The following ESRRG variants were observed in gnomAD, a reference collection of about 807,000 sequenced individuals.
ESRRG encodes the protein estrogen related receptor gamma.
In ESRRG, 13 loss-of-function variants were observed where a neutral mutation model predicts 44.0. The ratio of observed to expected loss-of-function variants is 0.30; its 90% CI spans 0.19 to 0.47. The LOEUF (loss-of-function observed/expected upper bound fraction) is 0.47, where lower values mean the gene tolerates loss of function less well. Among genes scored for constraint, ESRRG ranks in the 20% least tolerant of loss-of-function variants. The pLI is 1.00. For missense variants in ESRRG, 395 were observed against 580.6 expected (o/e 0.68, Z 3.29); for synonymous variants, 215 against 214.6 (o/e 1.00, Z -0.02).
At chr1:216,990,450 T>C (rs962542070) in intron 1 of ESRRG, among the ~76,000 whole-genome samples, 1 of 152,174 alleles carries the variant, frequency 6.6e-6, no homozygotes, top group Non-Finnish European at 1.5e-5. Context: ...TCCTAAAGTT[T>C]AGCAAAAAGA....
At chr1:216,575,588 T>A (rs920772970) in intron 3 of ESRRG, among the ~76,000 whole-genome samples, 3 of 152,108 alleles carry the variant, frequency 2.0e-5, no homozygotes, top group African/African-American at 7.2e-5. Flanking sequence ...ATAGCAATCC[T>A]ATGAGGCAGG....
intron 3 of ESRRG, among the ~76,000 whole-genome samples, chr1:216,580,602 G>A (rs1857409): frequency 0.99 from 151,371 of 152,342 alleles, 75,208 homozygotes; most frequent in East Asian, 1. Context: ...ACAAATGAGG[G>A]AAACCATTCC....
At chr1:216,860,543 A>G (rs1462380964) in intron 2 of ESRRG, among the ~76,000 whole-genome samples, 1 of 152,160 alleles carries the variant, frequency 6.6e-6, no homozygotes, top group African/African-American at 2.4e-5. Flanking sequence ...GAAGGTAAAT[A>G]AAATAGAGAT....
chr1:216,842,262 A>G (rs529817335), intron 2 of ESRRG, among the ~76,000 whole-genome samples: 5 of 152,254 alleles, frequency 3.3e-5, no homozygotes, highest in African/African-American at 1.2e-4. Context: ...TTGAATTTAT[A>G]TATTTATACT....
At chr1:217,122,243 G>C (rs981023970) in intron 1 of ESRRG, among the ~76,000 whole-genome samples, 13 of 152,270 alleles carry the variant, frequency 8.5e-5, no homozygotes, top group African/African-American at 3.1e-4. Flanking sequence ...GCCAACACTG[G>C]TCTGGTTCTC....
chr1:216,694,350 G>A (rs1240114733), intron 1 of ESRRG, among the ~76,000 whole-genome samples: 1 of 152,098 alleles, frequency 6.6e-6, no homozygotes, highest in African/African-American at 2.4e-5. Flanking sequence ...GGGTGGTGCT[G>A]AAGAATACTG....
At chr1:216,900,290 G>A (rs2058917665) in intron 2 of ESRRG, among the ~76,000 whole-genome samples, 1 of 152,172 alleles carries the variant, frequency 6.6e-6, no homozygotes, top group South Asian at 2.1e-4. Context: ...CCGACAACTT[G>A]CAAATCTGGA....
At chr1:216,704,442 A>G (rs1290121199) in intron 1 of ESRRG, among the ~76,000 whole-genome samples, 4 of 152,280 alleles carry the variant, frequency 2.6e-5, no homozygotes, top group African/African-American at 4.8e-5. Context: ...GTTTGAACCC[A>G]GGAGGCAGAG....
chr1:216,816,087 C>G (rs890592618), intron 2 of ESRRG, among the ~76,000 whole-genome samples: 3 of 152,174 alleles, frequency 2.0e-5, no homozygotes, highest in African/African-American at 7.2e-5. Context: ...TTGACTTGCA[C>G]AGATGCTAAA....
intron 3 of ESRRG, among the ~76,000 whole-genome samples, chr1:216,618,121 T>C (rs994417584): frequency 6.6e-6 from 1 of 152,208 alleles, no homozygotes; most frequent in Non-Finnish European, 1.5e-5. Context: ...AAAAGAACAC[T>C]GAATAAAGAC....
intron 3 of ESRRG, among the ~76,000 whole-genome samples, chr1:216,580,137 T>C (rs2062468578): frequency 6.6e-6 from 1 of 152,216 alleles, no homozygotes; most frequent in East Asian, 1.9e-4. Context: ...ATGTATCACA[T>C]GCCTGCTACA....
chr1:216,642,075 A>G (rs868746120), intron 3 of ESRRG, among the ~76,000 whole-genome samples: 8 of 152,294 alleles, frequency 5.3e-5, no homozygotes, highest in Middle Eastern at 3.4e-3. Flanking sequence ...ACATACATGA[A>G]TATTTCTGAT....
chr1:216,904,466 G>A (rs114661314), intron 2 of ESRRG, among the ~76,000 whole-genome samples: 32 of 152,236 alleles, frequency 2.1e-4, no homozygotes, highest in African/African-American at 6.7e-4. Flanking sequence ...ATTGAAAAGC[G>A]CACTTAGCGT....
chr1:217,052,056 C>A lies in ESRRG; in HGVS notation c.-106+37451G>T, dbSNP rs1437674745. On this transcript the variant is annotated intron_variant, in intron 1 of 7. Coordinates refer to the ESRRG transcript ENST00000359162. ...AAGTTGCCCAGATTACAGGCACGAGCCACTACACTCAGCCTATTTCCCATT... is the reference window on the plus strand; with the variant it reads ...AAGTTGCCCAGATTACAGGCACGAGACACTACACTCAGCCTATTTCCCATT... 2.0e-5 allele frequency among the ~76,000 whole-genome samples: 3 copies of A among 152,172 alleles called. 1 individual carries two copies. The highest frequency in any genetic ancestry group is 4.4e-5 in the Non-Finnish European group (3 of 68,030).
At chr1:216,681,991 G>A (rs1475415103) in intron 1 of ESRRG, 3 of 152,170 alleles carry the variant, frequency 2.0e-5, no homozygotes, top group Non-Finnish European at 4.4e-5. Context: ...TCGATGGAAG[G>A]TCTGAAGCTC....
intron 1 of ESRRG, among the ~76,000 whole-genome samples, chr1:217,036,611 GA>G (rs2082939341): frequency 6.6e-6 from 1 of 152,140 alleles, no homozygotes; most frequent in South Asian, 2.1e-4. Context: ...GGAGCTAAAT[GA>G]TTAGAACACA....
At chr1:216,804,229 C>T (rs1170213967) in intron 2 of ESRRG, among the ~76,000 whole-genome samples, 6 of 152,130 alleles carry the variant, frequency 3.9e-5, no homozygotes, top group African/African-American at 1.4e-4. Flanking sequence ...GTCAATATCT[C>T]ATTCAGGTGT....
intron 1 of ESRRG, among the ~76,000 whole-genome samples, chr1:217,019,624 A>T (rs1031864025): frequency 6.6e-6 from 1 of 152,230 alleles, no homozygotes; most frequent in Non-Finnish European, 1.5e-5. Flanking sequence ...GGTATTTGGG[A>T]TGAATAATTA....
chr1:216,789,810 A>G (rs2094255218), intron 2 of ESRRG, among the ~76,000 whole-genome samples: 1 of 152,118 alleles, frequency 6.6e-6, no homozygotes, highest in Admixed American at 6.6e-5. Flanking sequence ...ATATAGGAGA[A>G]AGGCCACCAG....
Sources: gnomAD v4.1 joint callset for allele counts (sites outside exome capture counted in the v4.1 genomes callset) on GRCh38, gnomAD v4.1.1 for gene constraint, MANE v1.5 for transcripts, NCBI Gene and HGNC (gene_info 2026-07-23, HGNC 2026-07-21) for gene names.